Variants in SIDT1 observed in about 807,000 individuals in gnomAD.
SIDT1 encodes SID1 transmembrane family member 1, also known as SID1 transmembrane family, member 1.
In SIDT1, 101 loss-of-function variants were observed where a neutral mutation model predicts 107.5. That is an observed-to-expected ratio of 0.94 (90% CI 0.80 to 1.11). The LOEUF (loss-of-function observed/expected upper bound fraction) is 1.11. SIDT1 is among the 50% of genes least tolerant of loss of function. SIDT1 has a pLI of 0.00. For synonymous variants in SIDT1, 395 were observed against 398.2 expected (o/e 0.99, Z 0.10); for missense variants, 1,076 against 1,058.2 (o/e 1.02, Z -0.23).
chr3:113,623,918 C>T (rs1946659954), intron 23 of SIDT1, among the ~76,000 whole-genome samples, 185 bp downstream of exon 23: 1 of 152,218 alleles, frequency 6.6e-6, no homozygotes, highest in Admixed American at 6.5e-5. Flanking sequence ...CTCAGGGTGG[C>T]ACTTTATAAA....
At chr3:113,573,974 TGAAA>T (rs1347201957) in intron 3 of SIDT1, among the ~76,000 whole-genome samples, 1 of 151,970 alleles carries the variant, frequency 6.6e-6, no homozygotes, top group Non-Finnish European at 1.5e-5. Context: ...GAGGAAAGAA[TGAAA>T]GAGAGATAAA....
rs1947018581 is a variant in SIDT1 at position 113,628,934 on chromosome 3, G to A, written c.*1226G>A. The stretch of plus-strand genomic sequence containing the variant: ...TAAGGTGTTGGCAAGCTCAGCATCT[G>A]GGTTCCACTCTCACACTGTCTGGCA... On this transcript the variant is annotated 3_prime_UTR_variant, in exon 25 of 25. Transcript: ENST00000264852. 1 of 152,216 alleles carries A rather than the reference G, an allele frequency of 6.6e-6. No homozygotes were observed. 9.4% of individuals were successfully genotyped at this position (152,216 alleles called of 1,614,324 possible).
At chr3:113,539,139 C>T (rs1337219148) in intron 1 of SIDT1, among the ~76,000 whole-genome samples, 2 of 152,046 alleles carry the variant, frequency 1.3e-5, no homozygotes, top group Non-Finnish European at 2.9e-5. Flanking sequence ...TTTACCTTTA[C>T]CAATTTTTAA....
chr3:113,621,770 T>C (rs966430537), intron 21 of SIDT1, among the ~76,000 whole-genome samples: 6 of 152,168 alleles, frequency 3.9e-5, no homozygotes, highest in Non-Finnish European at 7.4e-5. Flanking sequence ...TCAAAGATCT[T>C]TGAAAAAGAG....
At chr3:113,556,752 G>T (rs1477307516) in intron 1 of SIDT1, among the ~76,000 whole-genome samples, 2 of 151,442 alleles carry the variant, frequency 1.3e-5, no homozygotes, top group Non-Finnish European at 2.9e-5. Context: ...TATCCTGCTG[G>T]AAAGTTCCTA....
rs115816702 is a variant in SIDT1, at chr3:113,615,681, T to C, written c.1967-419T>C. ...CATTGAGAAATAACAGATCTGAATCTTTACAAGCTAAGATTTCCCATCCTC... is the reference window on the plus strand; with the variant it reads ...CATTGAGAAATAACAGATCTGAATCCTTACAAGCTAAGATTTCCCATCCTC... On this transcript the variant is annotated intron_variant, in intron 19 of 24. Transcript: ENST00000264852. 7.9e-3 allele frequency among the ~76,000 whole-genome samples: 1,202 copies of C among 152,346 alleles called. 15 individuals carry two copies. Among genetic ancestry groups the C allele is most frequent in the African/African-American group, 0.027 (1,104 of 41,574 alleles).
At chr3:113,557,129 C>T (rs953304282) in intron 1 of SIDT1, among the ~76,000 whole-genome samples, 1 of 152,110 alleles carries the variant, frequency 6.6e-6, no homozygotes, top group African/African-American at 2.4e-5. Flanking sequence ...GTTTGCAAGT[C>T]GAGCAAGGTT....
At chr3:113,554,998 A>T (rs1305736563) in intron 1 of SIDT1, among the ~76,000 whole-genome samples, 1 of 152,168 alleles carries the variant, frequency 6.6e-6, no homozygotes, top group Non-Finnish European at 1.5e-5. Context: ...AAACCTTCCA[A>T]AGGCTTTCTT....
chr3:113,580,708 T>C lies in SIDT1; in HGVS notation c.662T>C (p.Met221Thr), dbSNP rs768239959. ...TCTGTTGTCTCAGTCCAGAATATCA[T>C]GGTGAGTGCTGATAACTTGCCAACC... is the stretch of plus-strand genomic sequence containing the variant. ...PCSVVSVQNI[M>T]CPVYDLDHNV... Residue 221 changes from methionine to threonine, a missense_variant and splice_region_variant, in exon 5 of 25, where the codon ATG (methionine) becomes ACG (threonine). Transcript: ENST00000264852. 7 of 1,592,664 alleles carry C rather than the reference T, an allele frequency of 4.4e-6. No individual in the cohort carries two copies. Among genetic ancestry groups the C allele is most frequent in the Admixed American group, 1.7e-5 (1 of 59,976 alleles).
chr3:113,538,192 CA>C (rs1322061082), intron 1 of SIDT1, among the ~76,000 whole-genome samples: 1 of 152,220 alleles, frequency 6.6e-6, no homozygotes, highest in Admixed American at 6.5e-5. Context: ...TAAGTTTCAA[CA>C]TGTGAATTTT....
At chr3:113,629,846 T>C (rs1325986502), downstream of SIDT1, among the ~76,000 whole-genome samples, 1 of 152,216 alleles carries the variant, frequency 6.6e-6, no homozygotes, top group East Asian at 1.9e-4. Context: ...ACGCACACAC[T>C]GTGGTCAGTT....
At position 113,605,541 on chromosome 3, in the gene SIDT1, A is replaced by G. The variant is rs1446566217; in HGVS notation, c.1404+565A>G. Among the ~76,000 whole-genome samples the G allele has an allele frequency of 2.0e-5, 3 of 152,304 alleles. No individual in the cohort carries two copies. The East Asian group carries it at 5.8e-4, about 29-fold the overall frequency. The stretch of plus-strand genomic sequence containing the variant: ...AGTCTGAAAGTATTACCCTGTGCTT[A>G]TTCAGTCATGATATCTATCCACTGC... On this transcript the variant is annotated intron_variant, in intron 14 of 24. Coordinates refer to ENST00000264852, the MANE Select transcript of SIDT1 (RefSeq NM_017699.3).
downstream of SIDT1, among the ~76,000 whole-genome samples, chr3:113,634,251 C>T (rs1476217453): frequency 1.3e-5 from 2 of 152,326 alleles, no homozygotes; most frequent in East Asian, 3.9e-4. Context: ...GGGACTGAAG[C>T]TTTCAGTCTG....
chr3:113,550,465 A>G (rs1576727995), intron 1 of SIDT1, among the ~76,000 whole-genome samples: 1 of 152,178 alleles, frequency 6.6e-6, no homozygotes, highest in Non-Finnish European at 1.5e-5. Flanking sequence ...CCAGTGGCGG[A>G]AGATGAAGAA....
intron 3 of SIDT1, among the ~76,000 whole-genome samples, chr3:113,571,661 G>A: frequency 6.6e-6 from 1 of 152,170 alleles, no homozygotes; most frequent in Non-Finnish European, 1.5e-5. Flanking sequence ...GGGGCATTAG[G>A]AAATTTAAAC....
At chr3:113,540,401 A>G (rs1938679486) in intron 1 of SIDT1, among the ~76,000 whole-genome samples, 1 of 152,224 alleles carries the variant, frequency 6.6e-6, no homozygotes, top group Non-Finnish European at 1.5e-5. Flanking sequence ...AAAGAAACAC[A>G]CAACCATTTT....
At chr3:113,550,825 T>G (rs994793146) in intron 1 of SIDT1, among the ~76,000 whole-genome samples, 27 of 152,150 alleles carry the variant, frequency 1.8e-4, no homozygotes, top group African/African-American at 5.6e-4. Flanking sequence ...GGGGCTTTGT[T>G]GTACAGATTA....
chr3:113,626,293 C>T, intron 24 of SIDT1, 78 bp downstream of exon 24: 1 of 948,782 alleles, frequency 1.1e-6, no homozygotes, highest in East Asian at 2.5e-5. Flanking sequence ...CTCTTCCTTA[C>T]TTTTTTTTAT....
At chr3:113,636,593 C>T in the SIDT1 span, among the ~76,000 whole-genome samples, 6 of 152,084 alleles carry the variant, frequency 3.9e-5, no homozygotes, top group Non-Finnish European at 8.8e-5. Context: ...TGTGATTAAG[C>T]AGTGTAAGAA....
Sources: gnomAD v4.1 joint callset for allele counts (sites outside exome capture counted in the v4.1 genomes callset) on GRCh38, gnomAD v4.1.1 for gene constraint, MANE v1.5 for transcripts, NCBI Gene and HGNC (gene_info 2026-07-23, HGNC 2026-07-21) for gene names.